Variants in RNF38 observed in about 807,000 individuals in gnomAD.
The protein encoded by RNF38 is E3 ubiquitin-protein ligase RNF38.
Under a neutral mutation model 67.2 loss-of-function variants are expected in RNF38, and 15 were observed. The ratio of observed to expected loss-of-function variants is 0.22; its 90% CI spans 0.15 to 0.34. RNF38 has a LOEUF of 0.34. Among genes scored for constraint, RNF38 ranks in the 10% least tolerant of loss-of-function variants. RNF38 has a pLI of 1.00. For missense variants in RNF38, 524 were observed against 639.9 expected, an observed-to-expected ratio of 0.82 and a Z score of 1.95; for synonymous variants, 220 against 218.8, an observed-to-expected ratio of 1.01 and a Z score of -0.05.
intron 3 of RNF38, among the ~76,000 whole-genome samples, chr9:36,370,671 T>C (rs1835307626): frequency 6.6e-6 from 1 of 152,112 alleles, no homozygotes; most frequent in South Asian, 2.1e-4. Context: ...TTTGGGAAGC[T>C]GAGGCAGGTG....
At chr9:36,397,986 G>A (rs1030360256) in intron 1 of RNF38, among the ~76,000 whole-genome samples, 1 of 151,914 alleles carries the variant, frequency 6.6e-6, no homozygotes, top group African/African-American at 2.4e-5. Flanking sequence ...CACACACACG[G>A]CGCACACACA....
rs370553272 is a variant in RNF38 at position 36,384,684 on chromosome 9, TA to T, written c.162+5782del. On this transcript the variant is annotated intron_variant, in intron 2 of 11. Transcript: ENST00000259605. ...TTCTTAAATAAATGTGGTTATGTTA[TA>T]TATCATTTTAATGGGAATTTCTCAC... is the stretch of plus-strand genomic sequence containing the variant. Among the ~76,000 whole-genome samples the T allele has an allele frequency of 4.7e-4, 72 of 152,386 alleles. 3 individuals carry two copies. In the East Asian group the frequency reaches 0.013, roughly 28 times the overall value.
intron 4 of RNF38, among the ~76,000 whole-genome samples, chr9:36,360,644 TATC>T (rs1450441793): frequency 1.3e-5 from 2 of 152,224 alleles, no homozygotes; most frequent in Non-Finnish European, 2.9e-5. Flanking sequence ...TCAACCCAAC[TATC>T]ATCTTTTTGT....
intron 6 of RNF38, 29 bp from the exon 7 acceptor site, chr9:36,353,360 A>G (rs1564002384): frequency 1.4e-6 from 2 of 1,414,774 alleles, no homozygotes; most frequent in South Asian, 2.8e-5. Context: ...AAACACATAT[A>G]TGTATATATA....
chr9:36,462,730 A>G (rs1312921610), intron 1 of RNF38, among the ~76,000 whole-genome samples: 1 of 150,968 alleles, frequency 6.6e-6, no homozygotes, highest in Non-Finnish European at 1.5e-5. Context: ...GCTGGAGATC[A>G]GTGGCATGAT....
At chr9:36,351,738 G>A (rs1431344735) in intron 8 of RNF38, among the ~76,000 whole-genome samples, 1 of 152,200 alleles carries the variant, frequency 6.6e-6, no homozygotes, top group Non-Finnish European at 1.5e-5. Context: ...AGCATTCCCA[G>A]AAAGTAATTA....
chr9:36,372,195 C>T (rs571917359), intron 3 of RNF38, among the ~76,000 whole-genome samples: 2 of 152,182 alleles, frequency 1.3e-5, no homozygotes, highest in Non-Finnish European at 2.9e-5. Context: ...TCCCAAAGTG[C>T]TGGGATTACA....
intron 1 of RNF38, among the ~76,000 whole-genome samples, chr9:36,483,108 C>T (rs1366494427): frequency 6.6e-6 from 1 of 152,162 alleles, no homozygotes; most frequent in Non-Finnish European, 1.5e-5. Flanking sequence ...GTGTACCGGC[C>T]AGGCACGGCT....
chr9:36,401,928 G>C (rs535214418), upstream of RNF38, among the ~76,000 whole-genome samples: 1 of 152,280 alleles, frequency 6.6e-6, no homozygotes, highest in African/African-American at 2.4e-5. Context: ...CTGGGCCTCA[G>C]CTGCAACCAG....
intron 2 of RNF38, among the ~76,000 whole-genome samples, chr9:36,408,517 TTTAAG>T (rs1300162184): frequency 1.7e-4 from 26 of 152,188 alleles, no homozygotes; most frequent in Non-Finnish European, 3.7e-4. Context: ...CATATGCAGC[TTTAAG>T]TTCTCTTTGT....
At chr9:36,409,534 T>C (rs929783699) in intron 2 of RNF38, among the ~76,000 whole-genome samples, 8 of 152,212 alleles carry the variant, frequency 5.3e-5, no homozygotes, top group African/African-American at 1.9e-4. Context: ...ATTTCCATTA[T>C]GTTCAATGAG....
At chr9:36,406,726 G>C (rs1838193673) in intron 2 of RNF38, among the ~76,000 whole-genome samples, 1 of 151,392 alleles carries the variant, frequency 6.6e-6, no homozygotes, top group African/African-American at 2.4e-5. Context: ...TGAAGCACAG[G>C]AACAACAGAA....
rs141902483 is a variant in RNF38, at chr9:36,367,579, CTTTT to C, written c.570+2136_570+2139del. Among the ~76,000 whole-genome samples the C allele has an allele frequency of 5.3e-5, 8 of 151,672 alleles. No individual in the cohort carries two copies. The South Asian group carries it at 8.3e-4, about 16-fold the overall frequency. On this transcript the variant is annotated intron_variant, in intron 4 of 11. Coordinates refer to ENST00000259605, the MANE Select transcript of RNF38 (RefSeq NM_022781.5). The stretch of plus-strand genomic sequence containing the variant: ...TTATTCCAACAGGTTATTCTTTTTT[CTTTT>C]TTTTAATTAAAAAATTGTTCTCATA...
chr9:36,347,873 G>C (rs1833398380), intron 9 of RNF38, among the ~76,000 whole-genome samples: 1 of 151,642 alleles, frequency 6.6e-6, no homozygotes, highest in Non-Finnish European at 1.5e-5. Flanking sequence ...TCAGGAGATC[G>C]AGACCATCCT....
chr9:36,358,535 T>C (rs1834295273), intron 4 of RNF38, among the ~76,000 whole-genome samples: 1 of 152,340 alleles, frequency 6.6e-6, no homozygotes, highest in East Asian at 1.9e-4. Flanking sequence ...CAACTTTGTT[T>C]TTCCATTTAA....
rs1176900248 is a variant in RNF38 at position 36,423,948 on chromosome 9, CAAAAAAAAAAA to C, written n.312+654_312+664del. ...TGGGCGACAGAGCGAGACTCCGTCT[CAAAAAAAAAAA>C]AAAAAAAAAAAAAAGAAAAGCCCCC... On this transcript the variant is annotated intron_variant and non_coding_transcript_variant, in intron 2 of 3. Transcript: ENST00000488058. Among the ~76,000 whole-genome samples the C allele has an allele frequency of 2.7e-4, 2 of 7,408 alleles. 1 individual carries two copies. Among genetic ancestry groups the C allele is most frequent in the Non-Finnish European group, 8.1e-4 (2 of 2,478 alleles). The allele number at this position is 7,408 out of a possible 152,430, so 4.9% of individuals were successfully genotyped here.
chr9:36,355,983 A>C (rs1834073156), intron 6 of RNF38, among the ~76,000 whole-genome samples: 1 of 152,130 alleles, frequency 6.6e-6, no homozygotes, highest in African/African-American at 2.4e-5. Flanking sequence ...AGTAGCTGGA[A>C]TTACAGGCAC....
At chr9:36,484,949 G>A (rs1031209062) in intron 1 of RNF38, among the ~76,000 whole-genome samples, 1 of 152,144 alleles carries the variant, frequency 6.6e-6, no homozygotes, top group Non-Finnish European at 1.5e-5. Context: ...GGCAGATCAC[G>A]AGGTCAGGAG....
At chr9:36,342,117 T>C (rs1367049905) in intron 11 of RNF38, among the ~76,000 whole-genome samples, 1 of 152,102 alleles carries the variant, frequency 6.6e-6, no homozygotes, top group Non-Finnish European at 1.5e-5. Context: ...TGTCAAGAGG[T>C]CATCCATTTT....
Sources: allele counts gnomAD v4.1 joint callset (sites outside exome capture counted in the v4.1 genomes callset), GRCh38; gene constraint gnomAD v4.1.1; transcripts MANE v1.5; gene names NCBI Gene and HGNC (gene_info 2026-07-23, HGNC 2026-07-21).